CTNND2: variants seen among roughly 807,000 people sequenced by gnomAD.
The protein encoded by CTNND2 is catenin delta-2.
Under a neutral mutation model 144.4 loss-of-function variants are expected in CTNND2, and 22 were observed. That is an observed-to-expected ratio of 0.15 (90% CI 0.11 to 0.22). The LOEUF is 0.22. CTNND2 is among the 10% of genes least tolerant of loss of function. The pLI, the probability that CTNND2 is intolerant of heterozygous loss-of-function variation, is 1.00. For synonymous variants in CTNND2, 751 were observed against 695.6 expected (o/e 1.08, Z -1.25); for missense variants, 1,353 against 1,618.8 (o/e 0.84, Z 2.82).
At chr5:11,780,777 T>A (rs4702826) in intron 1 of CTNND2, among the ~76,000 whole-genome samples, 148,982 of 152,226 alleles carry the variant, frequency 0.98, 72,978 homozygotes, top group East Asian at 1. Flanking sequence ...GAAGCTGAAG[T>A]TGCTTAAAAT....
At chr5:11,677,213 A>G (rs1035239972) in intron 2 of CTNND2, among the ~76,000 whole-genome samples, 9 of 152,188 alleles carry the variant, frequency 5.9e-5, no homozygotes, top group Non-Finnish European at 1.0e-4. Context: ...GCTTCAACCA[A>G]TCACAAGTTG....
At chr5:11,287,893 G>A (rs111279562) in intron 9 of CTNND2, among the ~76,000 whole-genome samples, 6 of 152,304 alleles carry the variant, frequency 3.9e-5, no homozygotes, top group South Asian at 2.1e-4. Context: ...GCATCAGTCA[G>A]TTGATACAAT....
intron 2 of CTNND2, among the ~76,000 whole-genome samples, chr5:11,578,259 A>G (rs1778117001): frequency 1.3e-5 from 2 of 152,192 alleles, no homozygotes; most frequent in Admixed American, 1.3e-4. Flanking sequence ...ACGTAATAGC[A>G]TAATAGTTTT....
chr5:11,124,264 C>T lies in CTNND2; in HGVS notation c.2160-6697G>A, dbSNP rs79808225. Among the ~76,000 whole-genome samples, 429 of 152,174 alleles carry T rather than the reference C, an allele frequency of 2.8e-3. 1 individual carries two copies. The highest frequency in any genetic ancestry group is 0.01 in the Middle Eastern group (3 of 294). On this transcript the variant is annotated intron_variant, in intron 12 of 21. Transcript: ENST00000304623. ...AGAGCCATATTATTAGCAGCCAAAT[C>T]GATTATCAAGTATTAATTACACGTA...
intron 3 of CTNND2, among the ~76,000 whole-genome samples, chr5:11,502,783 T>C (rs560365205): frequency 6.6e-6 from 1 of 152,194 alleles, no homozygotes; most frequent in South Asian, 2.1e-4. Context: ...CTTGGAAAGA[T>C]GAAGAAGGAA....
intron 16 of CTNND2, among the ~76,000 whole-genome samples, chr5:11,051,631 G>C (rs1209822607): frequency 1.3e-5 from 2 of 152,202 alleles, no homozygotes. Context: ...TTTTTCATGA[G>C]AGTTGAGTCA....
rs1344505095 is a variant in CTNND2 at position 11,584,431 on chromosome 5, G to T, written c.175-19375C>A. Among the ~76,000 whole-genome samples, 3 of 145,842 alleles carry T rather than the reference G, an allele frequency of 2.1e-5. 1 individual carries two copies. ...CATATATATATATTTTTTTTGGGGG[G>T]GGGGAGGAGGAAGCTAGTACTGTTT... On this transcript the variant is annotated intron_variant, in intron 2 of 21. Transcript: ENST00000304623.
intron 1 of CTNND2, among the ~76,000 whole-genome samples, chr5:11,783,022 A>C (rs1790626736): frequency 6.6e-6 from 1 of 152,148 alleles, no homozygotes; most frequent in Non-Finnish European, 1.5e-5. Context: ...GTGATGCTGA[A>C]GCACATGCAT....
intron 2 of CTNND2, chr5:11,588,987 CTA>C (rs1279747750): frequency 3.2e-5 from 32 of 985,200 alleles, no homozygotes; most frequent in African/African-American, 3.5e-5. Context: ...CTGAATTATC[CTA>C]TGGTAATTTC....
At chr5:11,362,164 A>G (rs1255928831) in intron 8 of CTNND2, among the ~76,000 whole-genome samples, 1 of 152,038 alleles carries the variant, frequency 6.6e-6, no homozygotes, top group Non-Finnish European at 1.5e-5. Context: ...AGCGGTATGT[A>G]CAACACAGAT....
chr5:11,536,735 G>A (rs1208400535), intron 3 of CTNND2, among the ~76,000 whole-genome samples: 2 of 151,980 alleles, frequency 1.3e-5, no homozygotes, highest in Non-Finnish European at 2.9e-5. Flanking sequence ...GAAAGGGTGG[G>A]AGGGGGGTGA....
intron 3 of CTNND2, among the ~76,000 whole-genome samples, chr5:11,426,346 G>A (rs1762771458): frequency 1.3e-5 from 2 of 152,298 alleles, no homozygotes; most frequent in South Asian, 4.1e-4. Context: ...ATGAGGGCTG[G>A]CTTCACGGGC....
intron 10 of CTNND2, among the ~76,000 whole-genome samples, chr5:11,232,540 C>T (rs1741147124): frequency 6.6e-6 from 1 of 152,182 alleles, no homozygotes; most frequent in African/African-American, 2.4e-5. Flanking sequence ...CCTGTAGCCC[C>T]CTTGTTTTGG....
intron 16 of CTNND2, among the ~76,000 whole-genome samples, chr5:11,047,955 C>T (rs1745441681): frequency 6.6e-6 from 1 of 152,204 alleles, no homozygotes; most frequent in Non-Finnish European, 1.5e-5. Flanking sequence ...ACTTCAACTT[C>T]TCCGGGCTCA....
intron 3 of CTNND2, among the ~76,000 whole-genome samples, chr5:11,509,573 A>T (rs1771435258): frequency 6.6e-6 from 1 of 152,228 alleles, no homozygotes; most frequent in Admixed American, 6.5e-5. Context: ...TTTATAGGAT[A>T]CAGAAATTGA....
At chr5:11,843,670 G>A (rs1794596158) in intron 1 of CTNND2, among the ~76,000 whole-genome samples, 1 of 152,084 alleles carries the variant, frequency 6.6e-6, no homozygotes, top group African/African-American at 2.4e-5. Flanking sequence ...ACAAGTTAAA[G>A]CTACAATAAT....
At chr5:11,770,214 GA>G (rs1339005928) in intron 1 of CTNND2, among the ~76,000 whole-genome samples, 1 of 152,062 alleles carries the variant, frequency 6.6e-6, no homozygotes, top group Non-Finnish European at 1.5e-5. Flanking sequence ...AAGAAGAATG[GA>G]AACCTGGTCT....
intron 1 of CTNND2, among the ~76,000 whole-genome samples, chr5:11,793,591 G>A (rs966824339): frequency 1.3e-5 from 2 of 152,218 alleles, no homozygotes; most frequent in Admixed American, 6.5e-5. Context: ...GGGAACACTG[G>A]AGTGATGCTG....
intron 11 of CTNND2, among the ~76,000 whole-genome samples, chr5:11,190,960 C>A (rs1300485229): frequency 6.6e-6 from 1 of 152,156 alleles, no homozygotes; most frequent in Non-Finnish European, 1.5e-5. Flanking sequence ...TGCTGAAAAG[C>A]AAAGTGTCCA....
Sources: allele counts gnomAD v4.1 joint callset (sites outside exome capture counted in the v4.1 genomes callset), GRCh38; gene constraint gnomAD v4.1.1; transcripts MANE v1.5; gene names NCBI Gene and HGNC (gene_info 2026-07-23, HGNC 2026-07-21).